The following CAMK2D variants were observed in gnomAD, a reference collection of about 807,000 sequenced individuals.
The protein encoded by CAMK2D is calcium/calmodulin dependent protein kinase II delta.
A neutral mutation model predicts 84.0 loss-of-function variants in CAMK2D; 37 were observed. The ratio of observed to expected loss-of-function variants is 0.44; its 90% CI spans 0.34 to 0.58. The LOEUF is 0.58. Among genes scored for constraint, CAMK2D ranks in the 20% least tolerant of loss-of-function variants. CAMK2D has a pLI of 0.02. For synonymous variants in CAMK2D, 202 were observed against 212.5 expected (o/e 0.95, Z 0.43); for missense variants, 448 against 652.5 (o/e 0.69, Z 3.41).
chr4:113,589,876 A>T (rs1459825700), intron 4 of CAMK2D, among the ~76,000 whole-genome samples: 1 of 152,210 alleles, frequency 6.6e-6, no homozygotes, highest in Non-Finnish European at 1.5e-5. Flanking sequence ...CCAAGGACCA[A>T]GCCCTTGTAC....
At chr4:113,532,812 C>G (rs1010080412) in intron 7 of CAMK2D, among the ~76,000 whole-genome samples, 1 of 152,138 alleles carries the variant, frequency 6.6e-6, no homozygotes, top group Non-Finnish European at 1.5e-5. Flanking sequence ...TTAAAAATGG[C>G]CTTCTCAGTG....
intron 2 of CAMK2D, among the ~76,000 whole-genome samples, chr4:113,668,898 A>C (rs1417037047): frequency 6.6e-6 from 1 of 152,190 alleles, no homozygotes; most frequent in African/African-American, 2.4e-5. Context: ...CATATCTGAA[A>C]CATCTCTTCT....
intron 3 of CAMK2D, among the ~76,000 whole-genome samples, chr4:113,630,803 A>C (rs2099086636): frequency 6.6e-6 from 1 of 152,202 alleles, no homozygotes; most frequent in Non-Finnish European, 1.5e-5. Context: ...ACAAGTCTAC[A>C]AGCCTAGTGA....
At chr4:113,757,576 T>A (rs543445355) in intron 2 of CAMK2D, among the ~76,000 whole-genome samples, 75 of 152,168 alleles carry the variant, frequency 4.9e-4, no homozygotes, top group Non-Finnish European at 9.6e-4. Context: ...GGAAAAAAAA[T>A]TGCAGAAAAC....
At chr4:113,459,600 T>C (rs2097347255) in intron 18 of CAMK2D, among the ~76,000 whole-genome samples, 1 of 151,962 alleles carries the variant, frequency 6.6e-6, no homozygotes, top group Admixed American at 6.6e-5. Context: ...TATTATACAT[T>C]AACTGCAACT....
chr4:113,653,129 C>T (rs2099182521), intron 3 of CAMK2D, among the ~76,000 whole-genome samples: 1 of 151,570 alleles, frequency 6.6e-6, no homozygotes, highest in South Asian at 2.1e-4. Flanking sequence ...TAACTTTCTA[C>T]CAAGAATTAT....
At chr4:113,462,310 G>GTCTATCTA (rs1328480311) in intron 17 of CAMK2D, among the ~76,000 whole-genome samples, 9 of 109,036 alleles carry the variant, frequency 8.3e-5, no homozygotes, top group Admixed American at 1.8e-4. Context: ...CTGTCTGTCT[G>GTCTATCTA]TCTGTCTGTC....
At chr4:113,458,265 C>T (rs951093505) in intron 18 of CAMK2D, among the ~76,000 whole-genome samples, 6 of 152,184 alleles carry the variant, frequency 3.9e-5, no homozygotes, top group African/African-American at 1.4e-4. Flanking sequence ...ATGCTCCAGC[C>T]TCTGGTTTTG....
chr4:113,639,117 C>T (rs146464044), intron 3 of CAMK2D, among the ~76,000 whole-genome samples: 179 of 150,412 alleles, frequency 1.2e-3, no homozygotes, highest in African/African-American at 4.3e-3. Context: ...TGGTGGTGTG[C>T]ACCTGTAGCC....
At chr4:113,590,471 G>C (rs1859151) in intron 4 of CAMK2D, among the ~76,000 whole-genome samples, 106,308 of 152,030 alleles carry the variant, frequency 0.7, 37,379 homozygotes, top group Middle Eastern at 0.74. Flanking sequence ...AGAAATTACA[G>C]TGAAAGTCAA....
intron 2 of CAMK2D, among the ~76,000 whole-genome samples, chr4:113,692,698 AT>A (rs2099391376): frequency 2.0e-5 from 3 of 152,016 alleles, no homozygotes; most frequent in South Asian, 4.1e-4. Flanking sequence ...ACATACATAT[AT>A]TCATACATAT....
At chr4:113,598,210 T>C (rs1025444675) in intron 4 of CAMK2D, among the ~76,000 whole-genome samples, 17 of 152,098 alleles carry the variant, frequency 1.1e-4, no homozygotes, top group Admixed American at 4.6e-4. Flanking sequence ...ACAGAACAGA[T>C]CTTTGAGTAT....
chr4:113,679,730 A>G (rs2099334454), intron 2 of CAMK2D, among the ~76,000 whole-genome samples: 1 of 152,218 alleles, frequency 6.6e-6, no homozygotes, highest in South Asian at 2.1e-4. Flanking sequence ...CTAATTTGGA[A>G]ATACGCAGCA....
Position 113,453,447 on chromosome 4 carries a change from G to A in CAMK2D, c.*1098C>T, listed in dbSNP as rs140302049. 6.6e-6 allele frequency: 1 copy of A among 152,266 alleles called. No homozygotes were observed. The highest frequency in any genetic ancestry group is 2.4e-5 in the African/African-American group (1 of 41,556). The allele number at this position is 152,266 out of a possible 1,614,324, so 9.4% of individuals were successfully genotyped here. The stretch of plus-strand genomic sequence containing the variant: ...AATCAGTAAGACGTTGCAGTCACAG[G>A]AGGAACTTGCTTTTATCCTAACTTT... On this transcript the variant is annotated 3_prime_UTR_variant, in exon 21 of 21. Transcript: ENST00000511664.
Position 113,636,040 on chromosome 4 carries a change from A to C in CAMK2D, c.220+25673T>G, listed in dbSNP as rs557535617. Among the ~76,000 whole-genome samples, 7 of 152,298 alleles carry C rather than the reference A, an allele frequency of 4.6e-5. No homozygotes were observed. The South Asian group carries it at 1.2e-3, about 27-fold the overall frequency. On this transcript the variant is annotated intron_variant, in intron 3 of 20. Transcript: ENST00000511664. ...TTCCCAACCCTGAACTCTCTACCAG[A>C]TTTCAGACTCACATCCAATGACGTC...
chr4:113,518,314 T>C (rs901806487), intron 8 of CAMK2D, among the ~76,000 whole-genome samples: 1 of 152,152 alleles, frequency 6.6e-6, no homozygotes, highest in African/African-American at 2.4e-5. Context: ...AAATTCAAAG[T>C]AATAATAACA....
chr4:113,489,993 G>GT (rs1259244217), intron 16 of CAMK2D, among the ~76,000 whole-genome samples: 2 of 151,580 alleles, frequency 1.3e-5, no homozygotes, highest in Non-Finnish European at 2.9e-5. Context: ...GGGGTTGTTT[G>GT]TTTTTTTCTT....
intron 4 of CAMK2D, among the ~76,000 whole-genome samples, chr4:113,576,869 C>T (rs1262356652): frequency 2.0e-5 from 3 of 152,090 alleles, no homozygotes; most frequent in African/African-American, 4.8e-5. Context: ...TCCCCTCCCT[C>T]ATTTCCCTAT....
At chr4:113,697,310 G>A (rs1219596223) in intron 2 of CAMK2D, among the ~76,000 whole-genome samples, 1 of 152,094 alleles carries the variant, frequency 6.6e-6, no homozygotes, top group African/African-American at 2.4e-5. Context: ...CTGTGCTTAA[G>A]GACATAGATA....
Sources: gnomAD v4.1 joint callset for allele counts (sites outside exome capture counted in the v4.1 genomes callset) on GRCh38, gnomAD v4.1.1 for gene constraint, MANE v1.5 for transcripts, NCBI Gene and HGNC (gene_info 2026-07-23, HGNC 2026-07-21) for gene names.